FAM167A: variants seen among roughly 807,000 people sequenced by gnomAD.
FAM167A encodes the protein protein FAM167A.
FAM167A carries 23 observed loss-of-function variants against 14.9 expected under a neutral mutation model. That is an observed-to-expected ratio of 1.55 (90% CI 1.11 to 2.19). The LOEUF is 2.19. Ranked by LOEUF, FAM167A falls within the 30% of genes most tolerant of loss-of-function variation. FAM167A has a pLI of 0.00. For synonymous variants in FAM167A, 174 were observed against 117.7 expected, an observed-to-expected ratio of 1.48 and a Z score of -3.10; for missense variants, 401 against 281.5, an observed-to-expected ratio of 1.42 and a Z score of -3.04.
chr8:11,439,631 G>A (rs1315252766), intron 2 of FAM167A, among the ~76,000 whole-genome samples: 1 of 152,130 alleles, frequency 6.6e-6, no homozygotes, highest in Non-Finnish European at 1.5e-5. Context: ...ACTGCGGGAG[G>A]AGGGTGTCTG....
chr8:11,445,092 T>G (rs1806704177), intron 1 of FAM167A: 1 of 978,192 alleles, frequency 1.0e-6, no homozygotes, highest in South Asian at 4.7e-5. Flanking sequence ...GGATTTGTTT[T>G]TATTCTCATT....
chr8:11,431,741 G>T (rs1805606313), intron 2 of FAM167A, among the ~76,000 whole-genome samples: 1 of 151,824 alleles, frequency 6.6e-6, no homozygotes, highest in Non-Finnish European at 1.5e-5. Context: ...GCCCAGCCTG[G>T]ACAGTTGGAG....
At chr8:11,438,345 T>G (rs960042450) in intron 2 of FAM167A, 2 of 435,056 alleles carry the variant, frequency 4.6e-6, no homozygotes, top group African/African-American at 2.0e-5. Flanking sequence ...ACTCATCAGC[T>G]CTCACATCAA....
chr8:11,425,125 T>C (rs1374278733), intron 2 of FAM167A, among the ~76,000 whole-genome samples: 2 of 151,448 alleles, frequency 1.3e-5, no homozygotes, highest in Admixed American at 6.6e-5. Flanking sequence ...TTAAACGTTT[T>C]AGAATGCCTG....
chr8:11,443,110 T>C (rs1806535253), intron 2 of FAM167A, among the ~76,000 whole-genome samples: 1 of 152,174 alleles, frequency 6.6e-6, no homozygotes. Context: ...GACTCGCAGG[T>C]GTCACCTGGG....
chr8:11,455,572 T>G (rs1196163987), intron 1 of FAM167A, among the ~76,000 whole-genome samples: 55 of 94,514 alleles, frequency 5.8e-4, no homozygotes, highest in Non-Finnish European at 8.3e-4. Flanking sequence ...TTGCCTTGCT[T>G]TGAGTTTGAG....
intron 2 of FAM167A, among the ~76,000 whole-genome samples, chr8:11,430,375 C>G (rs550509344): frequency 5.8e-4 from 88 of 152,324 alleles, no homozygotes; most frequent in African/African-American, 2.1e-3. Context: ...TGCTTGTGAT[C>G]TGTACTACAG....
At chr8:11,433,132 C>T (rs192222272) in intron 2 of FAM167A, among the ~76,000 whole-genome samples, 1 of 152,112 alleles carries the variant, frequency 6.6e-6, no homozygotes, top group African/African-American at 2.4e-5. Flanking sequence ...TGCAGCAAAC[C>T]ACCATGGCAT....
At chr8:11,429,777 A>T (rs1805448166) in intron 2 of FAM167A, among the ~76,000 whole-genome samples, 1 of 152,172 alleles carries the variant, frequency 6.6e-6, no homozygotes, top group Non-Finnish European at 1.5e-5. Context: ...GTTCAAGCTG[A>T]GCTCCACTCC....
intron 2 of FAM167A, among the ~76,000 whole-genome samples, chr8:11,434,335 T>G (rs941414675): frequency 2.6e-5 from 4 of 152,174 alleles, no homozygotes; most frequent in African/African-American, 9.6e-5. Flanking sequence ...TTCAGGCCCC[T>G]GGCCTGGGAC....
intron 1 of FAM167A, among the ~76,000 whole-genome samples, chr8:11,459,772 C>T (rs1038226089): frequency 1.3e-4 from 20 of 152,198 alleles, no homozygotes; most frequent in Admixed American, 2.0e-4. Flanking sequence ...TGGAATGCAG[C>T]GGCACGACCT....
chr8:11,454,969 G>A (rs116028542), intron 1 of FAM167A, among the ~76,000 whole-genome samples: 5,883 of 152,280 alleles, frequency 0.039, 174 homozygotes, highest in African/African-American at 0.086. Context: ...GAGGGACCCT[G>A]CTGTCTAGCC....
At chr8:11,473,241 C>T (rs1159819848) in intron 1 of FAM167A, among the ~76,000 whole-genome samples, 1 of 152,192 alleles carries the variant, frequency 6.6e-6, no homozygotes, top group Non-Finnish European at 1.5e-5. Flanking sequence ...CTGATGATAC[C>T]TTGAGAAACC....
At chr8:11,433,563 G>C (rs1009149272) in intron 2 of FAM167A, among the ~76,000 whole-genome samples, 1 of 152,302 alleles carries the variant, frequency 6.6e-6, no homozygotes, top group East Asian at 1.9e-4. Flanking sequence ...AAGCTGGCTT[G>C]AGAGAAATCC....
At chr8:11,444,893 C>G in intron 1 of FAM167A, 85 bp from the exon 2 acceptor site, 1 of 963,730 alleles carries the variant, frequency 1.0e-6, no homozygotes, top group Non-Finnish European at 1.2e-6. Context: ...GGAGGGGAAA[C>G]TGAGGCTCAG....
intron 2 of FAM167A, among the ~76,000 whole-genome samples, chr8:11,432,402 G>A (rs190636662): frequency 5.3e-5 from 8 of 152,186 alleles, no homozygotes; most frequent in Non-Finnish European, 1.0e-4. Flanking sequence ...TCAAGAAATG[G>A]GCAAAGGATA....
At chr8:11,446,426 G>C (rs888733110) in intron 1 of FAM167A, 1 of 151,442 alleles carries the variant, frequency 6.6e-6, no homozygotes, top group African/African-American at 2.5e-5. Flanking sequence ...TGGAGCAAGC[G>C]AGAATCCCCC....
intron 2 of FAM167A, among the ~76,000 whole-genome samples, chr8:11,439,769 G>A (rs147784344): frequency 3.3e-5 from 5 of 152,304 alleles, no homozygotes; most frequent in East Asian, 1.9e-4. Flanking sequence ...TAAACCACGT[G>A]GAAGACTTTA....
intron 2 of FAM167A, chr8:11,438,138 T>A: frequency 2.2e-6 from 1 of 456,578 alleles, no homozygotes; most frequent in South Asian, 1.5e-5. Context: ...TAGTGCTGAA[T>A]GGACATGGGG....
Sources: gnomAD v4.1 joint callset for allele counts (sites outside exome capture counted in the v4.1 genomes callset) on GRCh38, gnomAD v4.1.1 for gene constraint, MANE v1.5 for transcripts, NCBI Gene and HGNC (gene_info 2026-07-23, HGNC 2026-07-21) for gene names.